The following KCNK2 variants were observed in gnomAD, a reference collection of about 807,000 sequenced individuals.
KCNK2 encodes potassium channel subfamily K member 2.
A neutral mutation model predicts 40.5 loss-of-function variants in KCNK2; 21 were observed. The observed-to-expected ratio is 0.52, with a 90% CI of 0.37 to 0.75. The LOEUF (loss-of-function observed/expected upper bound fraction) is 0.75, where lower values mean the gene tolerates loss of function less well. KCNK2 is among the 30% of genes least tolerant of loss of function. The pLI is 0.00. For missense variants in KCNK2, 399 were observed against 531.6 expected (o/e 0.75, Z 2.45); for synonymous variants, 191 against 202.2 (o/e 0.94, Z 0.47).
chr1:215,033,666 G>A (rs1285104323), intron 1 of KCNK2, among the ~76,000 whole-genome samples: 1 of 152,102 alleles, frequency 6.6e-6, no homozygotes, highest in Non-Finnish European at 1.5e-5. Flanking sequence ...ATGGCTAGAG[G>A]ACTGGAGTTG....
At chr1:215,053,872 C>G (rs1413927464) in intron 1 of KCNK2, among the ~76,000 whole-genome samples, 1 of 152,188 alleles carries the variant, frequency 6.6e-6, no homozygotes, top group Admixed American at 6.5e-5. Context: ...GAGGCTGAGG[C>G]AGGAGAACCT....
chr1:215,018,523 ATAAT>A (rs989842099), intron 1 of KCNK2, among the ~76,000 whole-genome samples: 5 of 152,204 alleles, frequency 3.3e-5, no homozygotes, highest in Non-Finnish European at 5.9e-5. Flanking sequence ...TGATAAGAAA[ATAAT>A]TAGAGACTCA....
rs899185325 is a variant in KCNK2 at position 215,026,975 on chromosome 1, C to G, written c.34+21020C>G. On this transcript the variant is annotated intron_variant, in intron 1 of 6. Coordinates refer to the KCNK2 transcript ENST00000391895. ...ACAGGATTTATAGCTTTCATGGGCT[C>G]TATCCCTTGCTTATTCTATTTAGTT... Among the ~76,000 whole-genome samples the G allele has an allele frequency of 1.7e-4, 26 of 152,158 alleles. 1 individual carries two copies. Among genetic ancestry groups the G allele is most frequent in the African/African-American group, 6.3e-4 (26 of 41,552 alleles).
intron 6 of KCNK2, among the ~76,000 whole-genome samples, chr1:215,230,582 C>A (rs1191739167): frequency 5.7e-5 from 1 of 17,434 alleles, no homozygotes; most frequent in East Asian, 1.4e-3. Flanking sequence ...ATATACAAGA[C>A]CGTAATATAT....
chr1:215,060,893 TAGA>T (rs1371741420), intron 1 of KCNK2, among the ~76,000 whole-genome samples: 1 of 152,182 alleles, frequency 6.6e-6, no homozygotes, highest in Admixed American at 6.5e-5. Flanking sequence ...ATTGTGCAAC[TAGA>T]AGATTATTTA....
chr1:215,088,798 A>T lies in KCNK2; in HGVS notation c.357+2120A>T, dbSNP rs569026592. Among the ~76,000 whole-genome samples the T allele has an allele frequency of 6.6e-5, 10 of 151,984 alleles. 1 individual carries two copies. The South Asian group carries it at 1.7e-3, about 25-fold the overall frequency. ...CAAGCAGAAATCAAAATATGACCTA[A>T]TTTTTTTCTTTATGCTCTGCATTGG... On this transcript the variant is annotated intron_variant, in intron 2 of 6. Coordinates refer to ENST00000444842, the MANE Select transcript of KCNK2 (RefSeq NM_001017425.3).
intron 2 of KCNK2, among the ~76,000 whole-genome samples, chr1:215,100,149 C>T (rs1660146015): frequency 1.3e-5 from 2 of 151,826 alleles, no homozygotes; most frequent in Admixed American, 1.3e-4. Flanking sequence ...CATTTATCTT[C>T]TAGATGTGGA....
chr1:215,162,660 C>T (rs1463374803), intron 3 of KCNK2, among the ~76,000 whole-genome samples: 3 of 152,118 alleles, frequency 2.0e-5, no homozygotes, highest in African/African-American at 7.2e-5. Context: ...TTTCCCAACA[C>T]CATTTATTAA....
intron 3 of KCNK2, among the ~76,000 whole-genome samples, chr1:215,133,565 C>T (rs983072590): frequency 4.6e-5 from 7 of 150,894 alleles, no homozygotes; most frequent in African/African-American, 1.7e-4. Flanking sequence ...TGGCAATGTT[C>T]AGGCCTGTCT....
chr1:215,033,110 A>G (rs1236936367), intron 1 of KCNK2, among the ~76,000 whole-genome samples: 1 of 151,556 alleles, frequency 6.6e-6, no homozygotes, highest in Non-Finnish European at 1.5e-5. Flanking sequence ...CAAGCTCAGA[A>G]ATTCTTTCCT....
rs774886517 is a variant in KCNK2, at chr1:215,086,649, A to G, written c.328A>G (p.Asn110Asp). 8 of 1,614,050 alleles carry G rather than the reference A, an allele frequency of 5.0e-6. No homozygotes were observed. The South Asian group carries it at 8.8e-5, about 18-fold the overall frequency. Reference protein sequence around the residue: ...QTFISQHSCVNSTELDELIQQ... With the variant: ...QTFISQHSCVDSTELDELIQQ... ...ATTCATATCCCAACATTCCTGTGTCAATTCGACGGAGCTGGATGAACTCAT... is the reference window on the plus strand; with the variant it reads ...ATTCATATCCCAACATTCCTGTGTCGATTCGACGGAGCTGGATGAACTCAT... The change falls in exon 2 of 7, where the codon AAT (asparagine) becomes GAT (aspartate). Residue 110 changes from asparagine to aspartate, a missense_variant. Physicochemically the swap from Asn to Asp is conservative, Grantham distance 23 (BLOSUM62 1). Transcript: ENST00000444842.
intron 1 of KCNK2, among the ~76,000 whole-genome samples, chr1:215,033,025 G>T (rs558969358): frequency 6.6e-6 from 1 of 151,550 alleles, no homozygotes; most frequent in South Asian, 2.1e-4. Flanking sequence ...CACAATTCTT[G>T]AATTTTCTGT....
At position 215,083,317 on chromosome 1, in the gene KCNK2, A is replaced by G. The variant is rs1297073191; in HGVS notation, c.-69A>G. On this transcript the variant is annotated 5_prime_UTR_variant, in exon 1 of 7. The change abolishes an upstream ATG in the 5' untranslated region. Coordinates refer to ENST00000444842, the MANE Select transcript of KCNK2 (RefSeq NM_001017425.3). ...CGTCTCTGAATAAGAAGTGAGTACAATGGCGTGTTTGTAAAAAAAAGCTTC... is the reference window on the plus strand; with the variant it reads ...CGTCTCTGAATAAGAAGTGAGTACAGTGGCGTGTTTGTAAAAAAAAGCTTC... 6.2e-7 allele frequency: 1 copy of G among 1,613,456 alleles called. No individual in the cohort carries two copies. Among genetic ancestry groups the G allele is most frequent in the Admixed American group, 1.7e-5 (1 of 59,994 alleles).
At chr1:215,197,904 CAGGGG>C (rs1215335043) in intron 6 of KCNK2, among the ~76,000 whole-genome samples, 1 of 151,990 alleles carries the variant, frequency 6.6e-6, no homozygotes, top group Non-Finnish European at 1.5e-5. Flanking sequence ...GAGAGTGAGG[CAGGGG>C]AATCCTTTGA....
chr1:215,172,324 T>C, intron 5 of KCNK2, 141 bp downstream of exon 5: 1 of 692,708 alleles, frequency 1.4e-6, no homozygotes, highest in Non-Finnish European at 2.4e-6. Context: ...TGGGTGGCTT[T>C]AAACAAAGCA....
At chr1:215,156,580 A>G (rs1192584856) in intron 3 of KCNK2, among the ~76,000 whole-genome samples, 8 of 152,144 alleles carry the variant, frequency 5.3e-5, no homozygotes, top group Admixed American at 3.9e-4. Flanking sequence ...AAATATTTCT[A>G]CTGTATTAGT....
intron 2 of KCNK2, among the ~76,000 whole-genome samples, chr1:215,111,940 A>ATTTTTTTTTTTTTTTT (rs1382915528): frequency 6.6e-6 from 1 of 150,566 alleles, no homozygotes; most frequent in Non-Finnish European, 1.5e-5. Flanking sequence ...TGGGCCTCAA[A>ATTTTTTTTTTTTTTTT]TCTTTTTTAT....
intron 1 of KCNK2, among the ~76,000 whole-genome samples, chr1:215,009,421 T>C (rs890179984): frequency 6.6e-6 from 1 of 152,280 alleles, no homozygotes; most frequent in Admixed American, 6.5e-5. Flanking sequence ...ATAGATATAG[T>C]GCCATTTTCT....
chr1:215,040,859 G>A (rs1571864357), intron 1 of KCNK2, among the ~76,000 whole-genome samples: 1 of 152,120 alleles, frequency 6.6e-6, no homozygotes, highest in Admixed American at 6.6e-5. Flanking sequence ...ACCACTGTTT[G>A]GGCAACATCT....
Sources: allele counts gnomAD v4.1 joint callset (sites outside exome capture counted in the v4.1 genomes callset), GRCh38; gene constraint gnomAD v4.1.1; transcripts MANE v1.5; gene names NCBI Gene and HGNC (gene_info 2026-07-23, HGNC 2026-07-21).